The following CACNA2D1 variants were observed in gnomAD, a reference collection of about 807,000 sequenced individuals.
The protein encoded by CACNA2D1 is voltage-dependent calcium channel subunit alpha-2/delta-1.
Under a neutral mutation model 171.5 loss-of-function variants are expected in CACNA2D1, and 53 were observed. The ratio of observed to expected loss-of-function variants is 0.31; its 90% CI spans 0.25 to 0.39. The LOEUF (loss-of-function observed/expected upper bound fraction) is 0.39, where lower values mean the gene tolerates loss of function less well. Among genes scored for constraint, CACNA2D1 ranks in the 10% least tolerant of loss-of-function variants. The pLI, the probability that CACNA2D1 is intolerant of heterozygous loss-of-function variation, is 1.00. For synonymous variants in CACNA2D1, 442 were observed against 443.1 expected, an observed-to-expected ratio of 1.00 and a Z score of 0.03; for missense variants, 903 against 1,299.8, an observed-to-expected ratio of 0.69 and a Z score of 4.69.
chr7:82,314,021 A>G (rs989965462), intron 3 of CACNA2D1, among the ~76,000 whole-genome samples: 1 of 152,140 alleles, frequency 6.6e-6, no homozygotes, highest in South Asian at 2.1e-4. Flanking sequence ...ATTTTTACAT[A>G]TATCCAGTGC....
intron 3 of CACNA2D1, among the ~76,000 whole-genome samples, chr7:82,219,233 T>A (rs1158690151): frequency 6.6e-6 from 1 of 152,116 alleles, no homozygotes; most frequent in Non-Finnish European, 1.5e-5. Flanking sequence ...ACAGGTCAAA[T>A]CTCTGCTACT....
chr7:81,964,111 A>G lies in CACNA2D1; in HGVS notation c.2728-3T>C, dbSNP rs1293492527. The stretch of plus-strand genomic sequence containing the variant: ...TGTAATATGTCTGCTACTGATGGCT[A>G]TAAAATAAAATAATAAGGTCATTTC... On this transcript the variant is annotated splice_polypyrimidine_tract_variant and splice_region_variant and intron_variant, in intron 33 of 38. Transcript: ENST00000356860. The G allele has an allele frequency of 6.2e-7, 1 of 1,611,892 alleles. No individual in the cohort carries two copies. Among genetic ancestry groups the G allele is most frequent in the Admixed American group, 1.7e-5 (1 of 59,752 alleles).
intron 3 of CACNA2D1, among the ~76,000 whole-genome samples, chr7:82,177,895 A>C (rs1168319359): frequency 6.6e-6 from 1 of 152,122 alleles, no homozygotes; most frequent in Non-Finnish European, 1.5e-5. Context: ...TATGCTTGCT[A>C]AAAAATTTTT....
intron 9 of CACNA2D1, among the ~76,000 whole-genome samples, chr7:82,062,015 T>C (rs761194707): frequency 6.6e-6 from 1 of 152,206 alleles, no homozygotes; most frequent in African/African-American, 2.4e-5. Flanking sequence ...TCCAGAATAA[T>C]GGCTAGTAAT....
intron 16 of CACNA2D1, among the ~76,000 whole-genome samples, chr7:82,006,895 C>G (rs1799176012): frequency 6.6e-6 from 1 of 152,062 alleles, no homozygotes; most frequent in Admixed American, 6.6e-5. Flanking sequence ...CAGCAGACGT[C>G]ATGAAACCAT....
At chr7:82,024,955 C>A (rs577623232) in intron 12 of CACNA2D1, among the ~76,000 whole-genome samples, 66 of 151,328 alleles carry the variant, frequency 4.4e-4, no homozygotes, top group Non-Finnish European at 8.9e-4. Context: ...GGCCATATAT[C>A]CATGGAGTTA....
intron 3 of CACNA2D1, among the ~76,000 whole-genome samples, chr7:82,241,021 T>C (rs1804211873): frequency 1.3e-5 from 2 of 151,920 alleles, no homozygotes; most frequent in African/African-American, 2.4e-5. Context: ...AAAGTATAGT[T>C]ATGGAAATAT....
At chr7:81,978,320 A>G (rs1184275242) in intron 24 of CACNA2D1, among the ~76,000 whole-genome samples, 1 of 152,188 alleles carries the variant, frequency 6.6e-6, no homozygotes, top group Non-Finnish European at 1.5e-5. Flanking sequence ...AACAGCAAAG[A>G]CTTGGAACCA....
chr7:82,289,292 C>T (rs548349469), intron 3 of CACNA2D1, among the ~76,000 whole-genome samples: 5 of 151,736 alleles, frequency 3.3e-5, no homozygotes, highest in African/African-American at 1.2e-4. Context: ...TCTTTTGACA[C>T]CTCACATTTT....
At chr7:82,403,072 G>A (rs774241259) in intron 1 of CACNA2D1, among the ~76,000 whole-genome samples, 18 of 152,200 alleles carry the variant, frequency 1.2e-4, no homozygotes, top group Middle Eastern at 3.4e-3. Flanking sequence ...AGTATTCAGC[G>A]AATTCTAAAT....
At chr7:82,130,530 A>T (rs1208653886) in intron 5 of CACNA2D1, among the ~76,000 whole-genome samples, 1 of 152,014 alleles carries the variant, frequency 6.6e-6, no homozygotes, top group Admixed American at 6.6e-5. Context: ...TTAAGAACAT[A>T]TTTGAGACCA....
At chr7:82,007,580 C>T in intron 16 of CACNA2D1, 99 bp downstream of exon 16, 2 of 738,846 alleles carry the variant, frequency 2.7e-6, no homozygotes, top group Admixed American at 4.1e-5. Flanking sequence ...AAGACAATTA[C>T]ACTGCATGTA....
intron 2 of CACNA2D1, among the ~76,000 whole-genome samples, chr7:82,341,863 C>T (rs1224665185): frequency 1.3e-5 from 2 of 148,586 alleles, no homozygotes. Flanking sequence ...CTGGCTAACA[C>T]AGTGAAACCG....
intron 1 of CACNA2D1, among the ~76,000 whole-genome samples, chr7:82,355,323 T>C (rs908719284): frequency 6.6e-6 from 1 of 152,184 alleles, no homozygotes; most frequent in African/African-American, 2.4e-5. Flanking sequence ...AGACCTTGAC[T>C]AATAGGTACA....
chr7:82,230,146 C>T (rs1802776056), intron 3 of CACNA2D1, among the ~76,000 whole-genome samples: 1 of 152,202 alleles, frequency 6.6e-6, no homozygotes, highest in Admixed American at 6.5e-5. Flanking sequence ...CAGGTTGTGA[C>T]TAGAGTCCCT....
At chr7:82,409,746 G>A (rs980728993) in intron 1 of CACNA2D1, among the ~76,000 whole-genome samples, 1 of 152,086 alleles carries the variant, frequency 6.6e-6, no homozygotes, top group Non-Finnish European at 1.5e-5. Flanking sequence ...GCACACTATC[G>A]TTTTCTGGGT....
At chr7:82,235,128 T>C (rs1430325325) in intron 3 of CACNA2D1, among the ~76,000 whole-genome samples, 2 of 152,154 alleles carry the variant, frequency 1.3e-5, no homozygotes, top group African/African-American at 4.8e-5. Context: ...AACAATGATA[T>C]GCTTAAATTA....
chr7:82,150,192 G>T (rs1457889162), intron 4 of CACNA2D1, among the ~76,000 whole-genome samples: 1 of 149,490 alleles, frequency 6.7e-6, no homozygotes, highest in African/African-American at 2.5e-5. Flanking sequence ...GACAAATACG[G>T]TCTCTAGAAT....
At chr7:82,033,869 A>G (rs1803001850) in intron 11 of CACNA2D1, among the ~76,000 whole-genome samples, 2 of 152,152 alleles carry the variant, frequency 1.3e-5, no homozygotes, top group South Asian at 4.1e-4. Context: ...TGCTGAGAAT[A>G]AAAGATCACA....
Sources: allele counts gnomAD v4.1 joint callset (sites outside exome capture counted in the v4.1 genomes callset), GRCh38; gene constraint gnomAD v4.1.1; transcripts MANE v1.5; gene names NCBI Gene and HGNC (gene_info 2026-07-23, HGNC 2026-07-21).